CYFIP1: variants seen among roughly 807,000 people sequenced by gnomAD.
The protein encoded by CYFIP1 is cytoplasmic FMR1 interacting protein 1, also known as cytoplasmic FMR1-interacting protein 1.
A neutral mutation model predicts 163.5 loss-of-function variants in CYFIP1; 58 were observed. The ratio of observed to expected loss-of-function variants is 0.35; its 90% CI spans 0.29 to 0.44. The LOEUF (loss-of-function observed/expected upper bound fraction) is 0.44, where lower values mean the gene tolerates loss of function less well. Ranked by LOEUF, CYFIP1 falls within the 20% of genes least tolerant of loss-of-function variation. CYFIP1 has a pLI of 1.00. For synonymous variants in CYFIP1, 663 were observed against 660.7 expected (o/e 1.00, Z -0.05); for missense variants, 1,338 against 1,653.8 (o/e 0.81, Z 3.31).
At chr15:22,894,286 T>C (rs1489727287) in intron 22 of CYFIP1, among the ~76,000 whole-genome samples, 4 of 139,512 alleles carry the variant, frequency 2.9e-5, no homozygotes, top group Non-Finnish European at 6.3e-5. Context: ...TTCTTTTTTT[T>C]TTTTTTTTTT....
At chr15:22,900,049 A>G (rs1405110607) in intron 22 of CYFIP1, among the ~76,000 whole-genome samples, 1 of 152,148 alleles carries the variant, frequency 6.6e-6, no homozygotes, top group African/African-American at 2.4e-5. Flanking sequence ...GTCGAAAAAG[A>G]TATGTTCAAT....
At chr15:22,960,152 C>T (rs1428888658) in intron 1 of CYFIP1, among the ~76,000 whole-genome samples, 1 of 152,184 alleles carries the variant, frequency 6.6e-6, no homozygotes, top group African/African-American at 2.4e-5. Context: ...TCCTGGGATC[C>T]CCTACTGCCT....
intron 1 of CYFIP1, among the ~76,000 whole-genome samples, chr15:22,958,871 A>C (rs1301235399): frequency 3.3e-5 from 5 of 152,212 alleles, no homozygotes; most frequent in Non-Finnish European, 7.3e-5. Context: ...TGTATGAAAA[A>C]AACTATTCGG....
chr15:22,966,114 C>G (rs561567224), intron 1 of CYFIP1, among the ~76,000 whole-genome samples: 1 of 151,816 alleles, frequency 6.6e-6, no homozygotes, highest in Admixed American at 6.6e-5. Context: ...TTTGGGAGGC[C>G]GAGGCGGGTG....
intron 1 of CYFIP1, among the ~76,000 whole-genome samples, chr15:22,953,765 T>C (rs1291515952): frequency 6.6e-6 from 1 of 152,128 alleles, no homozygotes; most frequent in East Asian, 1.9e-4. Context: ...AGTTTAACAA[T>C]AGGATCAGGG....
intron 6 of CYFIP1, among the ~76,000 whole-genome samples, chr15:22,941,237 G>GTT (rs139457799): frequency 1.3e-5 from 2 of 151,298 alleles, no homozygotes; most frequent in African/African-American, 4.9e-5. Context: ...TTTTGCTCTT[G>GTT]TTTTTTTAGA....
At chr15:22,918,888 C>T (rs1240630043) in intron 13 of CYFIP1, 30 bp from the exon 14 acceptor site, 7 of 1,548,040 alleles carry the variant, frequency 4.5e-6, no homozygotes, top group Non-Finnish European at 6.1e-6. Flanking sequence ...AGGGACGGCC[C>T]TTCTTAGGGA....
At chr15:22,974,295 G>T (rs528150698) in intron 1 of CYFIP1, among the ~76,000 whole-genome samples, 1 of 152,270 alleles carries the variant, frequency 6.6e-6, no homozygotes, top group African/African-American at 2.4e-5. Context: ...CAACAGATGA[G>T]CAAGGCCGGG....
At chr15:22,932,165 T>G in intron 11 of CYFIP1, 58 bp downstream of exon 11, 1 of 1,261,052 alleles carries the variant, frequency 7.9e-7, no homozygotes, top group South Asian at 1.4e-5. Flanking sequence ...AAGATTTGGG[T>G]GCAAACACAC....
intron 1 of CYFIP1, among the ~76,000 whole-genome samples, chr15:22,975,882 C>T (rs1398845534): frequency 2.0e-5 from 3 of 151,988 alleles, no homozygotes; most frequent in Non-Finnish European, 4.4e-5. Flanking sequence ...TATATTATAC[C>T]TCAATAAACA....
chr15:22,902,788 C>T (rs1379853998), intron 22 of CYFIP1, among the ~76,000 whole-genome samples: 1 of 152,168 alleles, frequency 6.6e-6, no homozygotes, highest in African/African-American at 2.4e-5. Context: ...GCCTGACCCA[C>T]GGCCCCACAG....
Position 22,874,562 on chromosome 15 carries a change from CA to C in CYFIP1, c.3197del (p.Leu1066ArgfsTer16). On this transcript the variant is annotated frameshift_variant, in exon 28 of 31. Coordinates refer to ENST00000617928, the MANE Select transcript of CYFIP1 (RefSeq NM_014608.6). LOFTEE classifies it high-confidence loss of function. ...CGGTACACGTTACCTGAGGGGTCCC[CA>C]GTCTTTCAATCAGTGGGACAAGATG... Reference protein sequence around the residue: ...PLHLVPLIERLGTPQQIAIAR... With the variant: ...PLHLVPLIERXGTPQQIAIAR... The C allele has an allele frequency of 6.2e-7, 1 of 1,601,228 alleles. No individual in the cohort carries two copies. The highest frequency in any genetic ancestry group is 8.5e-7 in the Non-Finnish European group (1 of 1,175,542).
intron 18 of CYFIP1, 125 bp from the exon 19 acceptor site, chr15:22,910,938 C>T (rs1468852489): frequency 1.2e-6 from 1 of 832,428 alleles, no homozygotes; most frequent in Non-Finnish European, 2.0e-6. Context: ...GAGACGGAGT[C>T]TTGCTCTGTT....
intron 22 of CYFIP1, among the ~76,000 whole-genome samples, chr15:22,900,760 C>T (rs1311524174): frequency 6.6e-6 from 1 of 151,926 alleles, no homozygotes; most frequent in African/African-American, 2.4e-5. Context: ...AGACTGAAAC[C>T]AAGCAGGCAG....
In CYFIP1 at chr15:22,926,013, T is replaced by C; in HGVS notation, c.1328A>G (p.Tyr443Cys). 6.2e-7 allele frequency: 1 copy of C among 1,613,832 alleles called. No individual in the cohort carries two copies. Among genetic ancestry groups the C allele is most frequent in the Non-Finnish European group, 8.5e-7 (1 of 1,179,880 alleles). Reference protein sequence around the residue: ...EEYERATRYNYTSEEKFALVE... With the variant: ...EEYERATRYNCTSEEKFALVE... Reference sequence around the variant, plus strand: ...TAGGGCAAACTTCTCCTCGCTGGTGTAGTTGTAGCGCGTGGCACGCTCGTA... The same window carrying C: ...TAGGGCAAACTTCTCCTCGCTGGTGCAGTTGTAGCGCGTGGCACGCTCGTA... The change falls in exon 13 of 31, where the codon TAC (tyrosine) becomes TGC (cysteine). Residue 443 changes from tyrosine to cysteine, a missense_variant. Coordinates refer to ENST00000617928, the MANE Select transcript of CYFIP1 (RefSeq NM_014608.6).
At chr15:22,957,268 C>T (rs1446722130) in intron 1 of CYFIP1, among the ~76,000 whole-genome samples, 6 of 152,166 alleles carry the variant, frequency 3.9e-5, no homozygotes, top group East Asian at 1.9e-4. Context: ...TCTGGGAGGC[C>T]GAGGCAGGCG....
Position 22,918,695 on chromosome 15 carries a change from T to G in CYFIP1, c.1523A>C (p.Gln508Pro), listed in dbSNP as rs749806760. 2.6e-5 allele frequency: 41 copies of G among 1,596,710 alleles called. No homozygotes were observed. Among genetic ancestry groups the G allele is most frequent in the Non-Finnish European group, 8.5e-7 (1 of 1,172,162 alleles). ...ACAGGGCGTGGGGAAGGCTGACCTCTGGATGACGTTCTTCTTCTTCTTGAT... is the reference window on the plus strand; with the variant it reads ...ACAGGGCGTGGGGAAGGCTGACCTCGGGATGACGTTCTTCTTCTTCTTGAT... ...QAIKKKKNVI[Q>P]SVLQAIRKTV... The change falls in exon 14 of 31, where the codon CAG (glutamine) becomes CCG (proline). Residue 508 changes from glutamine to proline, a missense_variant. By Grantham distance (76) the Gln-to-Pro change is moderately conservative. This residue lies in a region of CYFIP1 where 824 missense variants were observed against 995.7 expected (regional missense o/e 0.83). Coordinates refer to ENST00000617928, the MANE Select transcript of CYFIP1 (RefSeq NM_014608.6).
intron 1 of CYFIP1, among the ~76,000 whole-genome samples, chr15:22,962,210 C>A (rs533710553): frequency 6.6e-6 from 1 of 152,080 alleles, no homozygotes; most frequent in Non-Finnish European, 1.5e-5. Flanking sequence ...CATAATAATT[C>A]TTGGACTCTG....
chr15:22,872,308 AAAG>A (rs983565191), intron 30 of CYFIP1, among the ~76,000 whole-genome samples: 8 of 150,322 alleles, frequency 5.3e-5, no homozygotes, highest in South Asian at 2.1e-4. Flanking sequence ...AAAAAAAAAA[AAAG>A]AAAGAAAAAA....
Sources: allele counts gnomAD v4.1 joint callset (sites outside exome capture counted in the v4.1 genomes callset), GRCh38; gene constraint gnomAD v4.1.1; regional missense constraint gnomAD v4.1.1; transcripts MANE v1.5; gene names NCBI Gene and HGNC (gene_info 2026-07-23, HGNC 2026-07-21).